The following SCLY variants were observed in gnomAD, a reference collection of about 807,000 sequenced individuals.
SCLY encodes the protein putative selenocysteine lyase.
A neutral mutation model predicts 50.1 loss-of-function variants in SCLY; 38 were observed. The ratio of observed to expected loss-of-function variants is 0.76; its 90% confidence interval spans 0.59 to 0.99. The LOEUF (loss-of-function observed/expected upper bound fraction) is 0.99. Among genes scored for constraint, SCLY ranks in the 50% least tolerant of loss-of-function variants. The pLI is 0.00. For missense variants in SCLY, 600 were observed against 620.0 expected (o/e 0.97, Z 0.34); for synonymous variants, 243 against 249.4 (o/e 0.97, Z 0.24).
At chr2:238,076,776 T>C (rs1444276010) in intron 4 of SCLY, among the ~76,000 whole-genome samples, 1 of 152,202 alleles carries the variant, frequency 6.6e-6, no homozygotes, top group African/African-American at 2.4e-5. Flanking sequence ...TTTTAATTTC[T>C]AAGATTTCTT....
intron 10 of SCLY, 66 bp downstream of exon 10, chr2:238,094,588 C>A: frequency 2.2e-6 from 3 of 1,352,940 alleles, no homozygotes; most frequent in South Asian, 1.2e-5. Context: ...GGATTCTGGT[C>A]CGAGCCAGTG....
Position 238,099,319 on chromosome 2 carries a change from T to C in SCLY, c.*964T>C, listed in dbSNP as rs746643699. The C allele has an allele frequency of 2.5e-5, 12 of 471,680 alleles. No individual in the cohort carries two copies. The highest frequency in any genetic ancestry group is 1.9e-4 in the South Asian group (12 of 64,546). 29.2% of individuals were successfully genotyped at this position (471,680 alleles called of 1,614,324 possible). ...GTCATTTTCAGTGGAATAACATTTT[T>C]AATGTGTGGTTTTACGGTTCAAGGA... On this transcript the variant is annotated 3_prime_UTR_variant, in exon 12 of 12. Coordinates refer to ENST00000254663, the MANE Select transcript of SCLY (RefSeq NM_016510.7).
intron 8 of SCLY, chr2:238,091,576 G>A (rs903454704): frequency 1.1e-5 from 4 of 360,468 alleles, no homozygotes; most frequent in Non-Finnish European, 2.1e-5. Flanking sequence ...GGCAGCCCCC[G>A]CACCATCGAC....
rs1399576365 is a variant in SCLY at position 238,069,850 on chromosome 2, A to G, written c.484+373A>G. On this transcript the variant is annotated intron_variant, in intron 4 of 11. Coordinates refer to ENST00000254663, the MANE Select transcript of SCLY (RefSeq NM_016510.7). The surrounding 1 kb of genome is among the most constrained non-coding windows in gnomAD (Gnocchi z 5.0). ...TTAACCTTTAAATAGTACGCCTGCA[A>G]ATAGGCAAATGATGCTTGTCATTAT... is the stretch of plus-strand genomic sequence containing the variant. 5.9e-6 allele frequency: 1 copy of G among 168,862 alleles called. No individual in the cohort carries two copies. The highest frequency in any genetic ancestry group is 2.4e-5 in the African/African-American group (1 of 42,162). 10.5% of individuals were successfully genotyped at this position (168,862 alleles called of 1,614,324 possible).
At chr2:238,064,328 A>G (rs1216389186) in intron 1 of SCLY, 29 bp from the exon 2 acceptor site, 1 of 1,462,350 alleles carries the variant, frequency 6.8e-7, no homozygotes, top group South Asian at 1.2e-5. Flanking sequence ...CCTTTTCCTT[A>G]ATGGGTGTCT....
chr2:238,083,296 T>C lies in SCLY; in HGVS notation c.826T>C (p.Phe276Leu), dbSNP rs2065257284. Reference sequence around the variant, plus strand: ...ACTTTATATACGAGGACTTGGTGAATTTACCCCTCTCTACCCTATGCTATT... The same window carrying C: ...ACTTTATATACGAGGACTTGGTGAACTTACCCCTCTCTACCCTATGCTATT... The part of the protein sequence containing the change: ...GALYIRGLGE[F>L]TPLYPMLFGG... The change falls in exon 7 of 12, where the codon TTT (phenylalanine) becomes CTT (leucine). Residue 276 changes from phenylalanine (F) to leucine (L), a missense_variant. Coordinates refer to ENST00000254663, the MANE Select transcript of SCLY (RefSeq NM_016510.7). The surrounding 1 kb of genome is among the most constrained non-coding windows in gnomAD (Gnocchi z 4.3). 1 of 1,613,884 alleles carries C rather than the reference T, an allele frequency of 6.2e-7. No individual in the cohort carries two copies. Among genetic ancestry groups the C allele is most frequent in the African/African-American group, 1.3e-5 (1 of 74,910 alleles).
rs74001552 is a variant in SCLY at position 238,094,710 on chromosome 2, C to T, written c.1108+188C>T. On this transcript the variant is annotated intron_variant, in intron 10 of 11. Coordinates refer to ENST00000254663, the MANE Select transcript of SCLY (RefSeq NM_016510.7). Reference sequence around the variant, plus strand: ...GTGCTGTGGTCCACAGGGCTCTCGCCGCTGGCCCCTCCTCTCCCTGACGTG... The same window carrying T: ...GTGCTGTGGTCCACAGGGCTCTCGCTGCTGGCCCCTCCTCTCCCTGACGTG... 8.1e-3 allele frequency: 4,606 copies of T among 569,394 alleles called. 164 individuals are homozygous for T. The highest frequency in any genetic ancestry group is 0.078 in the African/African-American group (4,117 of 52,924). 35.3% of individuals were successfully genotyped at this position (569,394 alleles called of 1,614,324 possible). A position where few individuals can be genotyped will look rare whatever the true frequency, so the allele number is the denominator to read the frequency against.
At chr2:238,082,253 G>A in intron 6 of SCLY, 44 bp downstream of exon 6, 2 of 1,530,756 alleles carry the variant, frequency 1.3e-6, no homozygotes, top group Non-Finnish European at 1.8e-6. Context: ...AGAGCCTACT[G>A]CGCAGGTGGC....
intron 1 of SCLY, 75 bp downstream of exon 1, chr2:238,061,218 G>C (rs2065013961): frequency 8.6e-7 from 1 of 1,160,286 alleles, no homozygotes; most frequent in African/African-American, 1.5e-5. Context: ...GGACGAAGGG[G>C]GCTCCCGGCC....
intron 7 of SCLY, among the ~76,000 whole-genome samples, chr2:238,090,866 G>C (rs549414930): frequency 1.3e-5 from 2 of 152,236 alleles, no homozygotes; most frequent in East Asian, 3.9e-4. Flanking sequence ...GTTCTCCCCT[G>C]TTCCATACTA....
intron 4 of SCLY, 22 bp from the exon 5 acceptor site, chr2:238,081,687 G>A (rs370024856): frequency 2.1e-5 from 34 of 1,609,678 alleles, no homozygotes; most frequent in Non-Finnish European, 2.6e-5. Flanking sequence ...AGCTCAGTTC[G>A]GTACTCATGT....
In SCLY at chr2:238,098,608, ACCGCCC is replaced by A. The variant is rs1559254578; in HGVS notation, c.*254_*259del. ...GCCCACATAGGACCGCCCACATAGGACCGCCCACATGGGACCGCCCACATGGGACCG... is the reference window on the plus strand; with the variant it reads ...GCCCACATAGGACCGCCCACATAGGAACATGGGACCGCCCACATGGGACCG... On this transcript the variant is annotated 3_prime_UTR_variant, in exon 12 of 12. Transcript: ENST00000254663. 57 of 412,278 alleles carry A rather than the reference ACCGCCC, an allele frequency of 1.4e-4. 2 individuals are homozygous for A. The highest frequency in any genetic ancestry group is 4.4e-4 in the South Asian group (10 of 22,832). The allele number at this position is 412,278 out of a possible 1,614,324, so 25.5% of individuals were successfully genotyped here.
At chr2:238,085,679 ATCG>A (rs2065288293) in intron 7 of SCLY, among the ~76,000 whole-genome samples, 1 of 152,116 alleles carries the variant, frequency 6.6e-6, no homozygotes, top group South Asian at 2.1e-4. Context: ...GTGAGCCGAG[ATCG>A]TGCCACTCCA....
chr2:238,094,175 G>T, intron 9 of SCLY: 1 of 611,790 alleles, frequency 1.6e-6, no homozygotes, highest in Non-Finnish European at 2.9e-6. Context: ...AGAGACACAG[G>T]ATCAAATATG....
At chr2:238,062,584 G>A (rs2065028395) in intron 1 of SCLY, among the ~76,000 whole-genome samples, 1 of 152,172 alleles carries the variant, frequency 6.6e-6, no homozygotes, top group Non-Finnish European at 1.5e-5. Context: ...TAATTTTATT[G>A]TATTTTTAGT....
intron 6 of SCLY, chr2:238,082,919 T>C (rs2278743): frequency 0.46 from 138,379 of 298,442 alleles, 27,275 homozygotes; most frequent in African/African-American, 0.58. Flanking sequence ...GCATTCTCTT[T>C]CTTTTTTTTT....
Position 238,082,157 on chromosome 2 carries a change from G to T in SCLY, c.725G>T (p.Arg242Leu). 1.2e-6 allele frequency: 2 copies of T among 1,612,430 alleles called. No individual in the cohort carries two copies. The highest frequency in any genetic ancestry group is 1.7e-6 in the Non-Finnish European group (2 of 1,179,880). ...GCTGCACAGGCCTTGGGGAAGCAGCGCGTGGATGTGGAGGACCTGGGCGTG... is the reference window on the plus strand; with the variant it reads ...GCTGCACAGGCCTTGGGGAAGCAGCTCGTGGATGTGGAGGACCTGGGCGTG... The part of the protein sequence containing the change: ...TDAAQALGKQ[R>L]VDVEDLGVDF... Residue 242 changes from arginine (R) to leucine (L), a missense_variant, in exon 6 of 12, where the codon CGC becomes CTC. By Grantham distance (102) the Arg-to-Leu change is moderately radical. Transcript: ENST00000254663.
chr2:238,086,661 A>C (rs1437104072), intron 7 of SCLY, among the ~76,000 whole-genome samples: 1 of 148,730 alleles, frequency 6.7e-6, no homozygotes, highest in African/African-American at 2.5e-5. Context: ...AGCTATGATC[A>C]CACCATTGCA....
In SCLY at chr2:238,069,428, C is replaced by T. The variant is rs1483738007; in HGVS notation, c.435C>T (p.His145=). 5.0e-6 allele frequency: 8 copies of T among 1,613,652 alleles called. No individual in the cohort carries two copies. Among genetic ancestry groups the T allele is most frequent in the East Asian group, 2.2e-5 (1 of 44,894 alleles). The change falls in exon 4 of 12, where the codon CAC becomes CAT. Residue 145 remains histidine (H), a synonymous_variant. Transcript: ENST00000254663. The surrounding 1 kb of genome is among the most constrained non-coding windows in gnomAD (Gnocchi z 5.0). ...ATTTCATTACTTCCTCGGTGGAACACGACTCCATCCGGCTGCCCCTGGAGC... is the reference window on the plus strand; with the variant it reads ...ATTTCATTACTTCCTCGGTGGAACATGACTCCATCCGGCTGCCCCTGGAGC... The part of the protein sequence containing the change: ...KPHFITSSVE[H]DSIRLPLEHL...
Sources: gnomAD v4.1 joint callset for allele counts (sites outside exome capture counted in the v4.1 genomes callset) on GRCh38, gnomAD v4.1.1 for gene constraint, Gnocchi (gnomAD v3.1) non-coding constraint, MANE v1.5 for transcripts, NCBI Gene and HGNC (gene_info 2026-07-23, HGNC 2026-07-21) for gene names.